The following ZNF562 variants were observed in gnomAD, a reference collection of about 807,000 sequenced individuals.
The protein encoded by ZNF562 is zinc finger protein 562.
A neutral mutation model predicts 17.5 loss-of-function variants in ZNF562; 13 were observed. That is an observed-to-expected ratio of 0.74 (90% confidence interval 0.48 to 1.18). The LOEUF (loss-of-function observed/expected upper bound fraction) is 1.18. Ranked by LOEUF, ZNF562 falls within the 50% of genes most tolerant of loss-of-function variation. ZNF562 has a pLI of 0.00. For missense variants in ZNF562, 481 were observed against 498.5 expected (o/e 0.96, Z 0.33); for synonymous variants, 163 against 165.4 (o/e 0.99, Z 0.11).
intron 1 of ZNF562, among the ~76,000 whole-genome samples, chr19:9,662,752 C>T (rs566835360): frequency 1.3e-4 from 19 of 151,904 alleles, no homozygotes; most frequent in Middle Eastern, 3.4e-3. Context: ...TGGTGTTGGG[C>T]GGCTGTAGTC....
intron 5 of ZNF562, among the ~76,000 whole-genome samples, chr19:9,655,359 C>T (rs7249924): frequency 0.27 from 40,377 of 151,918 alleles, 6,153 homozygotes; most frequent in African/African-American, 0.4. Context: ...ATGTACTTGT[C>T]GGTATTTTTC....
At chr19:9,673,776 C>T (rs568621859) in intron 1 of ZNF562, among the ~76,000 whole-genome samples, 15 of 152,086 alleles carry the variant, frequency 9.9e-5, no homozygotes, top group South Asian at 8.3e-4. Flanking sequence ...AAATAAGTGG[C>T]GGGTGGATCA....
At position 9,647,258 on chromosome 19, in the gene ZNF562, T is replaced by C. The variant is rs1280367116; in HGVS notation, c.*5691A>G. The stretch of plus-strand genomic sequence containing the variant: ...TACCGTGCCCAGCTAATTTTTGTAT[T>C]TTTAGTAAAGACGGGGTTTCAACAT... On this transcript the variant is annotated 3_prime_UTR_variant, in exon 6 of 6. Transcript: ENST00000453372. 6.6e-6 allele frequency: 1 copy of C among 151,946 alleles called. No individual in the cohort carries two copies. The highest frequency in any genetic ancestry group is 1.5e-5 in the Non-Finnish European group (1 of 68,040). The allele number at this position is 151,946 out of a possible 1,614,324, so 9.4% of individuals were successfully genotyped here.
At position 9,646,651 on chromosome 19, in the gene ZNF562, G is replaced by GC. The variant is rs1220435290; in HGVS notation, c.*6297_*6298insG. On this transcript the variant is annotated 3_prime_UTR_variant, in exon 6 of 6. Coordinates refer to ENST00000453372, the MANE Select transcript of ZNF562 (RefSeq NM_001130031.2). ...TTATTCCAGAATGCAAAAGGAGACT[G>GC]AAGTTATACAACCAGCAAAAATGAA... The GC allele has an allele frequency of 1.3e-5, 2 of 152,094 alleles. No individual in the cohort carries two copies. Among genetic ancestry groups the GC allele is most frequent in the Non-Finnish European group, 2.9e-5 (2 of 68,000 alleles). 9.4% of individuals were successfully genotyped at this position (152,094 alleles called of 1,614,324 possible). A position where few individuals can be genotyped will look rare whatever the true frequency, so the allele number is the denominator to read the frequency against.
chr19:9,671,000 A>C (rs1297079244), intron 1 of ZNF562, among the ~76,000 whole-genome samples: 1 of 111,210 alleles, frequency 9.0e-6, no homozygotes, highest in Non-Finnish European at 1.8e-5. Flanking sequence ...TCCATCTCCC[A>C]AAAAAAAAAA....
rs746475894 is a variant in ZNF562 at position 9,660,790 on chromosome 19, A to G, written c.-46T>C. ...ATGTGCCTCAATGCTGTCTTTCTTGATGCCAAGATCGCCTCAGGGCAGCTT... is the reference window on the plus strand; with the variant it reads ...ATGTGCCTCAATGCTGTCTTTCTTGGTGCCAAGATCGCCTCAGGGCAGCTT... On this transcript the variant is annotated 5_prime_UTR_variant, in exon 2 of 6. Coordinates refer to ENST00000453372, the MANE Select transcript of ZNF562 (RefSeq NM_001130031.2). 1.2e-6 allele frequency: 2 copies of G among 1,609,730 alleles called. No individual in the cohort carries two copies. The highest frequency in any genetic ancestry group is 1.1e-5 in the South Asian group (1 of 90,742).
chr19:9,664,870 T>G (rs991839975), intron 1 of ZNF562, among the ~76,000 whole-genome samples: 3 of 151,206 alleles, frequency 2.0e-5, no homozygotes, highest in Admixed American at 6.6e-5. Flanking sequence ...GAAAAGAAAA[T>G]ATCTCAAATA....
At chr19:9,670,377 T>G (rs2044145234) in intron 1 of ZNF562, among the ~76,000 whole-genome samples, 1 of 152,198 alleles carries the variant, frequency 6.6e-6, no homozygotes, top group Non-Finnish European at 1.5e-5. Context: ...TATATATACA[T>G]TCCCTTGTTT....
At chr19:9,674,097 C>T (rs531838364) in intron 1 of ZNF562, among the ~76,000 whole-genome samples, 4 of 152,216 alleles carry the variant, frequency 2.6e-5, no homozygotes, top group South Asian at 2.1e-4. Context: ...TGGCCCCTGC[C>T]GCTTTGTCCT....
chr19:9,660,722 T>A lies in ZNF562; in HGVS notation c.23A>T (p.His8Leu). The A allele has an allele frequency of 6.2e-7, 1 of 1,613,432 alleles. No individual in the cohort carries two copies. Among genetic ancestry groups the A allele is most frequent in the Non-Finnish European group, 8.5e-7 (1 of 1,179,612 alleles). The change falls in exon 2 of 6, where the codon CAT becomes CTT. Residue 8 changes from histidine to leucine, a missense_variant and splice_region_variant. By Grantham distance (99) the His-to-Leu change is moderately conservative. Coordinates refer to ENST00000453372, the MANE Select transcript of ZNF562 (RefSeq NM_001130031.2). MSAFDMS[H>L]GFFPREPICP... ...AAAGAGCATCAACAAGGACTTACCA[T>A]GGGACATATCAAAGGCTGACATCCT... is the stretch of plus-strand genomic sequence containing the variant.
chr19:9,650,406 A>G lies in ZNF562; in HGVS notation c.*2543T>C, dbSNP rs1395756686. 1.2e-5 allele frequency: 1 copy of G among 83,484 alleles called. No individual in the cohort carries two copies. The highest frequency in any genetic ancestry group is 2.2e-5 in the Non-Finnish European group (1 of 44,816). The allele number at this position is 83,484 out of a possible 1,614,324, so 5.2% of individuals were successfully genotyped here. On this transcript the variant is annotated 3_prime_UTR_variant, in exon 6 of 6. Coordinates refer to ENST00000453372, the MANE Select transcript of ZNF562 (RefSeq NM_001130031.2). ...TATATATGTATATATATATACACAT[A>G]CACACACACACACACACACACACAG...
rs2074803784 is a variant in ZNF562 at position 9,646,009 on chromosome 19, A to T, written c.*6940T>A. 1.3e-5 allele frequency: 2 copies of T among 152,146 alleles called. No individual in the cohort carries two copies. The highest frequency in any genetic ancestry group is 1.3e-4 in the Admixed American group (2 of 15,264). 9.4% of individuals were successfully genotyped at this position (152,146 alleles called of 1,614,324 possible). ...ATTAATCCAAATTATTACTAATTAAATGTCAGGCACTAAATGTGCAACATA... is the reference window on the plus strand; with the variant it reads ...ATTAATCCAAATTATTACTAATTAATTGTCAGGCACTAAATGTGCAACATA... On this transcript the variant is annotated 3_prime_UTR_variant, in exon 6 of 6. Coordinates refer to ENST00000453372, the MANE Select transcript of ZNF562 (RefSeq NM_001130031.2).
rs1464162771 is a variant in ZNF562, at chr19:9,643,922, G to A, written c.*9027C>T. 1.3e-5 allele frequency: 2 copies of A among 151,492 alleles called. No homozygotes were observed. Among genetic ancestry groups the A allele is most frequent in the East Asian group, 1.9e-4 (1 of 5,160 alleles). The allele number at this position is 151,492 out of a possible 1,614,324, so 9.4% of individuals were successfully genotyped here. On this transcript the variant is annotated 3_prime_UTR_variant, in exon 6 of 6. Coordinates refer to ENST00000453372, the MANE Select transcript of ZNF562 (RefSeq NM_001130031.2). ...CTGTAACCTCCTGCCTCAGCCTCCC[G>A]AGTAGCTAGGAATACATGCACATGC...
At chr19:9,669,516 A>C (rs550971900) in intron 1 of ZNF562, among the ~76,000 whole-genome samples, 1 of 152,228 alleles carries the variant, frequency 6.6e-6, no homozygotes, top group Admixed American at 6.5e-5. Flanking sequence ...GGGAATATAA[A>C]TTAGTACAGC....
chr19:9,659,588 CACA>C lies in ZNF562; in HGVS notation c.26-124_26-122del, dbSNP rs201642097. ...TGCACACTCGAAAAAACTACACACA[CACA>C]ACACTTCCATGAAATGCCGTAGTAG... On this transcript the variant is annotated intron_variant, in intron 2 of 5. Coordinates refer to ENST00000453372, the MANE Select transcript of ZNF562 (RefSeq NM_001130031.2). The C allele has an allele frequency of 2.4e-4, 290 of 1,231,602 alleles. 5 individuals are homozygous for C. In the East Asian group the frequency reaches 7.1e-3, roughly 30 times the overall value. The allele number at this position is 1,231,602 out of a possible 1,614,324, so 76.3% of individuals were successfully genotyped here.
At chr19:9,673,231 G>C (rs533545504) in intron 1 of ZNF562, among the ~76,000 whole-genome samples, 1 of 152,042 alleles carries the variant, frequency 6.6e-6, no homozygotes, top group Non-Finnish European at 1.5e-5. Flanking sequence ...CCTAACCCAC[G>C]GGGGAGAGAC....
intron 1 of ZNF562, among the ~76,000 whole-genome samples, chr19:9,671,143 T>C (rs1428017746): frequency 6.6e-6 from 1 of 152,210 alleles, no homozygotes; most frequent in African/African-American, 2.4e-5. Flanking sequence ...ATAACGATGT[T>C]CCTACAATAT....
intron 1 of ZNF562, among the ~76,000 whole-genome samples, chr19:9,669,724 G>GCACA (rs1255709994): frequency 2.3e-4 from 18 of 77,990 alleles, no homozygotes; most frequent in African/African-American, 8.5e-4. Context: ...GCGAGCGCGC[G>GCACA]CGCGCGCGCG....
intron 1 of ZNF562, among the ~76,000 whole-genome samples, chr19:9,672,321 T>C (rs998301799): frequency 2.0e-5 from 3 of 152,176 alleles, no homozygotes; most frequent in African/African-American, 7.2e-5. Flanking sequence ...ACTAGTATTG[T>C]GGTTTTAGTA....
Sources: gnomAD v4.1 joint callset for allele counts (sites outside exome capture counted in the v4.1 genomes callset) on GRCh38, gnomAD v4.1.1 for gene constraint, MANE v1.5 for transcripts, NCBI Gene and HGNC (gene_info 2026-07-23, HGNC 2026-07-21) for gene names.